TSPAN9: variants seen among roughly 807,000 people sequenced by gnomAD.
TSPAN9 encodes tetraspanin-9.
In TSPAN9, 16 loss-of-function variants were observed where a neutral mutation model predicts 31.0. The ratio of observed to expected loss-of-function variants is 0.52; its 90% CI spans 0.35 to 0.78. The LOEUF (loss-of-function observed/expected upper bound fraction) is 0.78, where lower values mean the gene tolerates loss of function less well. Ranked by LOEUF, TSPAN9 falls within the 30% of genes least tolerant of loss-of-function variation. The pLI, the probability that TSPAN9 is intolerant of heterozygous loss-of-function variation, is 0.01. For synonymous variants in TSPAN9, 145 were observed against 121.6 expected (o/e 1.19, Z -1.27); for missense variants, 272 against 312.5 (o/e 0.87, Z 0.98).
intron 2 of TSPAN9, among the ~76,000 whole-genome samples, chr12:3,132,217 C>T (rs574951813): frequency 1.9e-4 from 29 of 152,280 alleles, no homozygotes; most frequent in African/African-American, 6.0e-4. Context: ...GTAAATAGAG[C>T]TGCTATGAAC....
intron 3 of TSPAN9, chr12:3,273,278 A>G (rs1862718999): frequency 6.6e-6 from 1 of 152,212 alleles, no homozygotes; most frequent in African/African-American, 2.4e-5. Context: ...TCAAATTTGG[A>G]TGTGGATTTG....
chr12:3,211,881 C>T (rs968202623), intron 3 of TSPAN9: 184 of 1,592,378 alleles, frequency 1.2e-4, no homozygotes, highest in Middle Eastern at 1.9e-4. Context: ...TTCTCCTCTT[C>T]TGGAGAGGGA....
chr12:3,145,608 CAGTG>C (rs1181359084), intron 2 of TSPAN9, among the ~76,000 whole-genome samples: 4 of 152,198 alleles, frequency 2.6e-5, no homozygotes, highest in Non-Finnish European at 5.9e-5. Context: ...AGCACATACA[CAGTG>C]AGGGCAGAAG....
intron 3 of TSPAN9, among the ~76,000 whole-genome samples, chr12:3,208,242 A>G (rs2098376343): frequency 6.6e-6 from 1 of 152,168 alleles, no homozygotes; most frequent in African/African-American, 2.4e-5. Flanking sequence ...AGGATCCCCA[A>G]GTGTCCCTCG....
chr12:3,169,915 A>T (rs976755031), intron 2 of TSPAN9, among the ~76,000 whole-genome samples: 1 of 150,942 alleles, frequency 6.6e-6, no homozygotes, highest in Non-Finnish European at 1.5e-5. Flanking sequence ...CAAGCCATCC[A>T]CTTGAACCCA....
chr12:3,089,406 C>T (rs531769021), intron 2 of TSPAN9, among the ~76,000 whole-genome samples: 1 of 149,682 alleles, frequency 6.7e-6, no homozygotes, highest in Non-Finnish European at 1.5e-5. Context: ...AAGCGATTCT[C>T]CTGCCTCAGC....
chr12:3,257,742 G>A (rs910523081), intron 3 of TSPAN9, among the ~76,000 whole-genome samples: 4 of 139,632 alleles, frequency 2.9e-5, no homozygotes, highest in African/African-American at 1.0e-4. Context: ...CTAACCACAA[G>A]TGTGATAGGT....
At chr12:3,279,087 G>A in intron 5 of TSPAN9, 21 bp downstream of exon 5, 1 of 1,609,502 alleles carries the variant, frequency 6.2e-7, no homozygotes, top group Non-Finnish European at 8.5e-7. Context: ...CCAGATGGGA[G>A]GGGGCATATG....
intron 2 of TSPAN9, among the ~76,000 whole-genome samples, chr12:3,198,698 CCAGCA>C (rs2098369066): frequency 2.1e-5 from 1 of 48,458 alleles, no homozygotes; most frequent in Non-Finnish European, 4.8e-5. Flanking sequence ...CAGGTCACCA[CCAGCA>C]CAGGCCACCA....
chr12:3,140,503 C>T (rs2098334294), intron 2 of TSPAN9, among the ~76,000 whole-genome samples: 1 of 152,188 alleles, frequency 6.6e-6, no homozygotes, highest in South Asian at 2.1e-4. Context: ...CTGCCCTCTG[C>T]ATCCCAGGCC....
chr12:3,089,336 C>T (rs186044580), intron 2 of TSPAN9, among the ~76,000 whole-genome samples: 2,427 of 136,002 alleles, frequency 0.018, 32 homozygotes, highest in Middle Eastern at 0.048. Context: ...TTGTTCTGTC[C>T]CCCAGGCTGG....
At chr12:3,193,618 G>C (rs571870157) in intron 2 of TSPAN9, among the ~76,000 whole-genome samples, 9 of 152,304 alleles carry the variant, frequency 5.9e-5, no homozygotes, top group African/African-American at 2.2e-4. Context: ...CTTGGGCTTT[G>C]AGAGGTGACA....
At chr12:3,274,865 T>G (rs778904355) in intron 3 of TSPAN9, among the ~76,000 whole-genome samples, 19 of 152,332 alleles carry the variant, frequency 1.2e-4, no homozygotes, top group Non-Finnish European at 2.6e-4. Flanking sequence ...TGCGTGGAGT[T>G]GTGCCAGGCG....
chr12:3,261,409 A>G (rs1314581048), intron 3 of TSPAN9, among the ~76,000 whole-genome samples: 2 of 152,168 alleles, frequency 1.3e-5, no homozygotes, highest in Non-Finnish European at 2.9e-5. Context: ...ACCCAGAGTT[A>G]TATCTGGCAA....
At chr12:3,231,361 C>G (rs2098390679) in intron 3 of TSPAN9, among the ~76,000 whole-genome samples, 1 of 152,172 alleles carries the variant, frequency 6.6e-6, no homozygotes, top group Admixed American at 6.5e-5. Flanking sequence ...AATTCTGGTC[C>G]TGCTGTCACC....
intron 2 of TSPAN9, among the ~76,000 whole-genome samples, chr12:3,096,016 CT>C (rs1349667394): frequency 2.1e-5 from 3 of 142,792 alleles, no homozygotes; most frequent in Non-Finnish European, 4.6e-5. Flanking sequence ...CCCGCGGGGC[CT>C]GTCCGCTCCT....
chr12:3,145,165 G>A (rs1300252787), intron 2 of TSPAN9, among the ~76,000 whole-genome samples: 4 of 152,146 alleles, frequency 2.6e-5, no homozygotes, highest in South Asian at 2.1e-4. Flanking sequence ...TGGATGACGC[G>A]TTTGTCAACT....
At chr12:3,247,816 T>G (rs1862169293) in intron 3 of TSPAN9, among the ~76,000 whole-genome samples, 1 of 152,164 alleles carries the variant, frequency 6.6e-6, no homozygotes, top group Admixed American at 6.5e-5. Context: ...CTGGGCTATT[T>G]GTTTCCCACT....
rs914084098 is a variant in TSPAN9 at position 3,192,846 on chromosome 12, A to G, written c.-17-8331A>G. ...TTTCCCTTAGAATTTCAGCCACACA[A>G]CATTAGCTATTGATGATGTTTCTTT... On this transcript the variant is annotated intron_variant, in intron 2 of 8. Transcript: ENST00000011898. The surrounding 1 kb of genome is among the most constrained non-coding windows in gnomAD (Gnocchi z 4.6). 2.6e-5 allele frequency among the ~76,000 whole-genome samples: 4 copies of G among 152,184 alleles called. No individual in the cohort carries two copies. The highest frequency in any genetic ancestry group is 9.6e-5 in the African/African-American group (4 of 41,452).
Sources: allele counts gnomAD v4.1 joint callset (sites outside exome capture counted in the v4.1 genomes callset), GRCh38; gene constraint gnomAD v4.1.1; non-coding constraint Gnocchi (gnomAD v3.1); transcripts MANE v1.5; gene names NCBI Gene and HGNC (gene_info 2026-07-23, HGNC 2026-07-21).